DNAH6: variants seen among roughly 807,000 people sequenced by gnomAD.
DNAH6 encodes the protein dynein axonemal heavy chain 6.
Under a neutral mutation model 491.4 loss-of-function variants are expected in DNAH6, and 340 were observed. The ratio of observed to expected loss-of-function variants is 0.69; its 90% CI spans 0.63 to 0.76. DNAH6 has a LOEUF of 0.76. Ranked by LOEUF, DNAH6 falls within the 30% of genes least tolerant of loss-of-function variation. DNAH6 has a pLI of 0.00. For missense variants in DNAH6, 4,443 were observed against 4,972.2 expected (o/e 0.89, Z 3.20); for synonymous variants, 1,603 against 1,686.1 (o/e 0.95, Z 1.21).
At position 84,621,212 on chromosome 2, in the gene DNAH6, A is replaced by G. The variant is rs1395011485; in HGVS notation, c.3814A>G (p.Lys1272Glu). ...TTAGGTTAGCTTGGGGAAAGGCCTC[A>G]AGGCCCGAGGCAATGTAGAGGAATG... ...GERVSLGKGLKARGNVEEWLG... is the reference protein window; with the variant it reads ...GERVSLGKGLEARGNVEEWLG... The change falls in exon 25 of 77, where the codon AAG becomes GAG. Residue 1272 changes from lysine to glutamate, a missense_variant. Lys to Glu is a moderately conservative substitution (Grantham distance 56, BLOSUM62 1). Around this residue, in one of 3 missense-constraint regions of DNAH6, gnomAD observed 2,977 missense variants for 3,296.6 expected, o/e 0.90. Coordinates refer to ENST00000389394, the MANE Select transcript of DNAH6 (RefSeq NM_001370.2). The G allele has an allele frequency of 1.9e-6, 3 of 1,551,486 alleles. No homozygotes were observed. Among genetic ancestry groups the G allele is most frequent in the Admixed American group, 3.9e-5 (2 of 50,978 alleles).
At chr2:84,599,628 T>C (rs772173583) in intron 18 of DNAH6, among the ~76,000 whole-genome samples, 5 of 152,226 alleles carry the variant, frequency 3.3e-5, no homozygotes, top group South Asian at 2.1e-4. Flanking sequence ...CCCCAGGCAC[T>C]CTTCTCCATT....
intron 40 of DNAH6, among the ~76,000 whole-genome samples, chr2:84,676,341 T>C (rs1303300097): frequency 6.6e-6 from 1 of 152,194 alleles, no homozygotes; most frequent in Non-Finnish European, 1.5e-5. Context: ...GATTTTGCTA[T>C]GTAAAATGGC....
chr2:84,756,751 C>T (rs1419095795), intron 63 of DNAH6, among the ~76,000 whole-genome samples: 1 of 152,166 alleles, frequency 6.6e-6, no homozygotes, highest in African/African-American at 2.4e-5. Context: ...CCCATCAATA[C>T]CTTCAAAAAA....
chr2:84,604,136 G>A (rs1685525983), intron 18 of DNAH6, among the ~76,000 whole-genome samples: 1 of 152,112 alleles, frequency 6.6e-6, no homozygotes, highest in Admixed American at 6.5e-5. Flanking sequence ...TCCAAATTTG[G>A]AGTTTGTTCT....
Position 84,552,930 on chromosome 2 carries a change from G to A in DNAH6, c.1498G>A (p.Val500Met), listed in dbSNP as rs1447597089. Residue 500 changes from valine (V) to methionine (M), a missense_variant, in exon 10 of 77, where the codon GTG (valine) becomes ATG (methionine). Around this residue, in one of 3 missense-constraint regions of DNAH6, gnomAD observed 2,977 missense variants for 3,296.6 expected, o/e 0.90. Transcript: ENST00000389394. ...ATATTCATTTCAGGGGACCCTTATG[G>A]TGGAAAAGCAAGAAGAAGATGAATC... ...EVPDKKGTLM[V>M]EKQEEDESLI... is the part of the protein sequence containing the mutation. 1 of 1,608,896 alleles carries A rather than the reference G, an allele frequency of 6.2e-7. No homozygotes were observed. The highest frequency in any genetic ancestry group is 1.7e-5 in the Admixed American group (1 of 59,598).
chr2:84,760,466 A>T (rs950848509), intron 63 of DNAH6, among the ~76,000 whole-genome samples: 2 of 152,192 alleles, frequency 1.3e-5, no homozygotes, highest in African/African-American at 4.8e-5. Context: ...ATAACAAAGA[A>T]AAGAGATAAT....
At chr2:84,630,546 C>A (rs1251140411) in intron 29 of DNAH6, among the ~76,000 whole-genome samples, 2 of 152,114 alleles carry the variant, frequency 1.3e-5, no homozygotes, top group Non-Finnish European at 2.9e-5. Context: ...GGGAAAATAA[C>A]TTACAGACCT....
rs115233660 is a variant in DNAH6, at chr2:84,537,934, T to C, written c.663-6299T>C. Among the ~76,000 whole-genome samples, 887 of 152,212 alleles carry C rather than the reference T, an allele frequency of 5.8e-3. 12 individuals carry two copies. The highest frequency in any genetic ancestry group is 0.02 in the African/African-American group (816 of 41,542). ...ATGTTAATGGGTGAGTACTGCAACA[T>C]GATAGTATTAACACCAACTATAGTA... On this transcript the variant is annotated intron_variant, in intron 4 of 76. Coordinates refer to ENST00000389394, the MANE Select transcript of DNAH6 (RefSeq NM_001370.2).
chr2:84,541,816 C>T (rs1678279795), intron 4 of DNAH6, among the ~76,000 whole-genome samples: 1 of 152,084 alleles, frequency 6.6e-6, no homozygotes. Flanking sequence ...TTTGGTGGTT[C>T]ACAAACATTA....
intron 46 of DNAH6, among the ~76,000 whole-genome samples, chr2:84,695,255 T>C (rs1368389602): frequency 6.6e-6 from 1 of 152,122 alleles, no homozygotes; most frequent in East Asian, 1.9e-4. Context: ...TTTAAACACC[T>C]GAAGAAATTT....
intron 2 of DNAH6, among the ~76,000 whole-genome samples, chr2:84,524,208 G>A (rs1676403478): frequency 6.7e-6 from 1 of 149,886 alleles, no homozygotes; most frequent in Non-Finnish European, 1.5e-5. Flanking sequence ...GCCCTTTTTT[G>A]TCTTTTTTTT....
intron 37 of DNAH6, among the ~76,000 whole-genome samples, chr2:84,661,409 G>GA (rs1265798472): frequency 2.0e-5 from 3 of 151,814 alleles, no homozygotes; most frequent in African/African-American, 4.8e-5. Flanking sequence ...ATTATTTGCA[G>GA]AAAAAAATGA....
chr2:84,672,683 C>A (rs1197906205), intron 40 of DNAH6, among the ~76,000 whole-genome samples, 199 bp downstream of exon 40: 1 of 152,132 alleles, frequency 6.6e-6, no homozygotes, highest in Non-Finnish European at 1.5e-5. Context: ...AACACTCTTT[C>A]CTTATGTCTT....
intron 21 of DNAH6, 121 bp from the exon 22 acceptor site, chr2:84,611,553 G>A (rs374443035): frequency 2.6e-6 from 2 of 778,112 alleles, no homozygotes; most frequent in Non-Finnish European, 2.1e-6. Flanking sequence ...GACCTGTGAG[G>A]AGTCATAACA....
the DNAH6 span, among the ~76,000 whole-genome samples, chr2:84,489,191 A>C: frequency 6.6e-6 from 1 of 152,106 alleles, no homozygotes; most frequent in Non-Finnish European, 1.5e-5. Flanking sequence ...GGTAGAGAAC[A>C]TGAGAGTGTC....
In DNAH6 at chr2:84,521,973, T is replaced by C. The variant is rs1166563407; in HGVS notation, c.226-3592T>C. Among the ~76,000 whole-genome samples, 2 of 152,118 alleles carry C rather than the reference T, an allele frequency of 1.3e-5. 1 individual carries two copies. Among genetic ancestry groups the C allele is most frequent in the African/African-American group, 4.8e-5 (2 of 41,410 alleles). Reference sequence around the variant, plus strand: ...CTATTCAGCCTCCTTTTTGGTTCCATATGAATTTTAAGATAGTTTTTTCTA... The same window carrying C: ...CTATTCAGCCTCCTTTTTGGTTCCACATGAATTTTAAGATAGTTTTTTCTA... On this transcript the variant is annotated intron_variant, in intron 2 of 76. Coordinates refer to ENST00000389394, the MANE Select transcript of DNAH6 (RefSeq NM_001370.2).
At chr2:84,713,354 GCTCCCCCATT>G in intron 57 of DNAH6, 95 bp downstream of exon 57, 1 of 1,261,684 alleles carries the variant, frequency 7.9e-7, no homozygotes, top group Non-Finnish European at 1.1e-6. Flanking sequence ...GAGGGAAAGT[GCTCCCCCATT>G]CTCCCCTGTC....
intron 56 of DNAH6, among the ~76,000 whole-genome samples, chr2:84,711,976 A>G (rs1697087319): frequency 6.6e-6 from 1 of 152,202 alleles, no homozygotes; most frequent in South Asian, 2.1e-4. Context: ...CTACCTCTGG[A>G]CAGAAGAGTG....
chr2:84,810,028 A>T (rs1679812080), intron 72 of DNAH6, among the ~76,000 whole-genome samples: 1 of 152,092 alleles, frequency 6.6e-6, no homozygotes, highest in Non-Finnish European at 1.5e-5. Context: ...ACACCAGCTT[A>T]TGTCTTGCCC....
Sources: allele counts gnomAD v4.1 joint callset (sites outside exome capture counted in the v4.1 genomes callset), GRCh38; gene constraint gnomAD v4.1.1; regional missense constraint gnomAD v4.1.1; transcripts MANE v1.5; gene names NCBI Gene and HGNC (gene_info 2026-07-23, HGNC 2026-07-21).